SUN1: variants seen among roughly 807,000 people sequenced by gnomAD.
SUN1 encodes the protein Sad1 and UNC84 domain containing 1.
A neutral mutation model predicts 103.2 loss-of-function variants in SUN1; 61 were observed. The observed-to-expected ratio is 0.59, with a 90% confidence interval of 0.48 to 0.73. The LOEUF (loss-of-function observed/expected upper bound fraction) is 0.73, where lower values mean the gene tolerates loss of function less well. Among genes scored for constraint, SUN1 ranks in the 30% least tolerant of loss-of-function variants. The pLI, the probability that SUN1 is intolerant of heterozygous loss-of-function variation, is 0.00. For missense variants in SUN1, 1,052 were observed against 1,034.6 expected, an observed-to-expected ratio of 1.02 and a Z score of -0.23; for synonymous variants, 490 against 425.7, an observed-to-expected ratio of 1.15 and a Z score of -1.86.
In SUN1 at chr7:860,185, G is replaced by C. The variant is rs549897796; in HGVS notation, c.1582G>C (p.Gly528Arg). ...KLLFSEDQQG[G>R]SLEQLLQRFS... Reference sequence around the variant, plus strand: ...CCTGTTTTCCGAAGATCAGCAAGGCGGTTCTCTGGAACAGCTGCTGCAGAG... The same window carrying C: ...CCTGTTTTCCGAAGATCAGCAAGGCCGTTCTCTGGAACAGCTGCTGCAGAG... The change falls in exon 14 of 19, where the codon GGT (glycine) becomes CGT (arginine). Residue 528 changes from glycine to arginine, a missense_variant. By Grantham distance (125) the Gly-to-Arg change is moderately radical. Around this residue, in one of 2 missense-constraint regions of SUN1, gnomAD observed 846 missense variants for 774.5 expected, o/e 1.09. Transcript: ENST00000401592. 1 of 1,614,182 alleles carries C rather than the reference G, an allele frequency of 6.2e-7. No homozygotes were observed. The highest frequency in any genetic ancestry group is 1.3e-5 in the African/African-American group (1 of 75,044).
chr7:864,970 C>T (rs1201085842), intron 15 of SUN1, among the ~76,000 whole-genome samples: 1 of 151,914 alleles, frequency 6.6e-6, no homozygotes, highest in Non-Finnish European at 1.5e-5. Context: ...TCCCCACTTT[C>T]CCTGAGCCCC....
intron 1 of SUN1, among the ~76,000 whole-genome samples, chr7:825,263 T>C (rs578221943): frequency 6.5e-4 from 99 of 152,272 alleles, no homozygotes; most frequent in Non-Finnish European, 1.0e-3. Context: ...AGGGTTTCAC[T>C]GTGTTAGTCA....
At chr7:849,770 A>C in intron 5 of SUN1, 1 of 1,101,220 alleles carries the variant, frequency 9.1e-7, no homozygotes, top group Non-Finnish European at 1.4e-6. Context: ...ACAGAAGCTC[A>C]TAGCCACCAG....
intron 1 of SUN1, chr7:817,527 T>A: frequency 6.5e-7 from 1 of 1,535,300 alleles, no homozygotes; most frequent in Non-Finnish European, 8.7e-7. Flanking sequence ...AGGTCTCTGC[T>A]CTCGCTTTGC....
chr7:857,014 A>T (rs9655181), intron 12 of SUN1, among the ~76,000 whole-genome samples: 9 of 152,042 alleles, frequency 5.9e-5, no homozygotes, highest in African/African-American at 1.5e-4. Flanking sequence ...CTCCTCACTC[A>T]GGGCGGCTTT....
chr7:863,309 G>A (rs968431662), intron 15 of SUN1, among the ~76,000 whole-genome samples: 3 of 151,044 alleles, frequency 2.0e-5, no homozygotes, highest in African/African-American at 7.3e-5. Flanking sequence ...CTTGCTGCCC[G>A]GCGTTCACCA....
chr7:848,525 A>G (rs770384916), intron 5 of SUN1: 3 of 1,363,080 alleles, frequency 2.2e-6, no homozygotes, highest in Non-Finnish European at 2.9e-6. Context: ...AATGAAGCTC[A>G]GTTATGAATC....
In SUN1 at chr7:842,237, T is replaced by C. The variant is rs1810767400; in HGVS notation, c.451+107T>C. The stretch of plus-strand genomic sequence containing the variant: ...CCAGGTTGTCGGTTTGCATGGATTA[T>C]GCTAGGGAGAGGGAGGCTGTGGCCA... On this transcript the variant is annotated intron_variant, in intron 3 of 18. Coordinates refer to ENST00000401592, the MANE Select transcript of SUN1 (RefSeq NM_001130965.3). 11 of 1,246,728 alleles carry C rather than the reference T, an allele frequency of 8.8e-6. No homozygotes were observed. In the East Asian group the frequency reaches 2.5e-4, roughly 28 times the overall value. The allele number at this position is 1,246,728 out of a possible 1,614,324, so 77.2% of individuals were successfully genotyped here.
chr7:852,083 A>G lies in SUN1; in HGVS notation c.851+40A>G, dbSNP rs1222229673. ...ATCATGTCAGCGTGGTGCTTTAAGG[A>G]ACCAATTTTGTGCCAATTGCAGGCT... On this transcript the variant is annotated intron_variant, in intron 7 of 18. Transcript: ENST00000401592. The G allele has an allele frequency of 5.0e-6, 8 of 1,585,394 alleles. No individual in the cohort carries two copies. The South Asian group carries it at 7.8e-5, about 15-fold the overall frequency.
At chr7:829,987 G>T (rs1271292463), upstream of SUN1, among the ~76,000 whole-genome samples, 2 of 152,144 alleles carry the variant, frequency 1.3e-5, no homozygotes, top group Non-Finnish European at 1.5e-5. Flanking sequence ...ATCCTTTTTT[G>T]ACTTCATTTT....
At chr7:825,230 G>GT (rs1162984831) in intron 1 of SUN1, among the ~76,000 whole-genome samples, 2 of 151,986 alleles carry the variant, frequency 1.3e-5, no homozygotes, top group Admixed American at 6.6e-5. Context: ...GGCTAATTTT[G>GT]TTTTTGTATT....
intron 1 of SUN1, among the ~76,000 whole-genome samples, chr7:826,444 T>C (rs1224167417): frequency 6.6e-6 from 1 of 152,130 alleles, no homozygotes. Flanking sequence ...GAAACATCGC[T>C]GCCCAGCCGG....
Position 873,589 on chromosome 7 carries a change from T to C in SUN1, c.*258T>C. 2.4e-6 allele frequency: 1 copy of C among 408,612 alleles called. No individual in the cohort carries two copies. The highest frequency in any genetic ancestry group is 4.4e-6 in the Non-Finnish European group (1 of 227,216). The allele number at this position is 408,612 out of a possible 1,614,324, so 25.3% of individuals were successfully genotyped here. On this transcript the variant is annotated 3_prime_UTR_variant, in exon 19 of 19. Transcript: ENST00000401592. ...ACGTGGCTCTCAGACACTCCTTGTTTTTAACGGGAAGCTCTTTGCATTTGC... is the reference window on the plus strand; with the variant it reads ...ACGTGGCTCTCAGACACTCCTTGTTCTTAACGGGAAGCTCTTTGCATTTGC...
intron 1 of SUN1, among the ~76,000 whole-genome samples, chr7:818,430 C>T (rs1264504813): frequency 6.6e-6 from 1 of 152,154 alleles, no homozygotes; most frequent in Non-Finnish European, 1.5e-5. Flanking sequence ...TATGTTTATC[C>T]TTTAGTCTGT....
upstream of SUN1, among the ~76,000 whole-genome samples, chr7:827,746 G>T (rs1011485410): frequency 1.3e-5 from 2 of 151,858 alleles, no homozygotes; most frequent in African/African-American, 4.8e-5. Flanking sequence ...GATTACAGGC[G>T]TGAGCCACCG....
At chr7:831,514 C>T (rs1168593200), upstream of SUN1, among the ~76,000 whole-genome samples, 4 of 152,182 alleles carry the variant, frequency 2.6e-5, no homozygotes, top group Non-Finnish European at 5.9e-5. Context: ...TCGTGATCCG[C>T]CCACCTCGGC....
chr7:842,071 G>T lies in SUN1; in HGVS notation c.392G>T (p.Arg131Leu). Residue 131 changes from arginine (R) to leucine (L), a missense_variant, in exon 3 of 19, where the codon CGG becomes CTG. Arg to Leu is a moderately radical substitution (Grantham distance 102). Around this residue, in one of 2 missense-constraint regions of SUN1, gnomAD observed 846 missense variants for 774.5 expected, o/e 1.09. Transcript: ENST00000401592. Reference sequence around the variant, plus strand: ...AGCCTGCAGGATGCTGTGACTCGACGGCCTCCTGTATTGGACGAGTCTTGG... The same window carrying T: ...AGCCTGCAGGATGCTGTGACTCGACTGCCTCCTGTATTGGACGAGTCTTGG... ...TVSLQDAVTR[R>L]PPVLDESWIR... is the part of the protein sequence containing the mutation. The T allele has an allele frequency of 1.2e-6, 2 of 1,614,218 alleles. No homozygotes were observed. The highest frequency in any genetic ancestry group is 1.7e-6 in the Non-Finnish European group (2 of 1,180,046).
intron 17 of SUN1, among the ~76,000 whole-genome samples, chr7:871,393 G>A (rs185733100): frequency 5.3e-5 from 8 of 151,948 alleles, no homozygotes; most frequent in Admixed American, 3.3e-4. Context: ...GTCTTTCAGA[G>A]GTTTTTATTT....
rs1296955595 is a variant in SUN1, at chr7:874,469, GAC to G, written c.*1140_*1141del. 2 of 152,766 alleles carry G rather than the reference GAC, an allele frequency of 1.3e-5. No individual in the cohort carries two copies. Among genetic ancestry groups the G allele is most frequent in the East Asian group, 3.9e-4 (2 of 5,192 alleles). The allele number at this position is 152,766 out of a possible 1,614,324, so 9.5% of individuals were successfully genotyped here. ...AATTATTTAAGTTGTGTTGGGTTAAGACAGTTTTCAGTGTACCGTAAATGTTG... is the reference window on the plus strand; with the variant it reads ...AATTATTTAAGTTGTGTTGGGTTAAGAGTTTTCAGTGTACCGTAAATGTTG... On this transcript the variant is annotated 3_prime_UTR_variant, in exon 19 of 19. Transcript: ENST00000401592.
Sources: gnomAD v4.1 joint callset for allele counts (sites outside exome capture counted in the v4.1 genomes callset) on GRCh38, gnomAD v4.1.1 for gene constraint, gnomAD v4.1.1 regional missense constraint, MANE v1.5 for transcripts, NCBI Gene and HGNC (gene_info 2026-07-23, HGNC 2026-07-21) for gene names.